TMEM45B: variants seen among roughly 807,000 people sequenced by gnomAD.
The protein encoded by TMEM45B is transmembrane protein 45B.
Under a neutral mutation model 27.3 loss-of-function variants are expected in TMEM45B, and 29 were observed. The ratio of observed to expected loss-of-function variants is 1.06; its 90% confidence interval spans 0.79 to 1.45. The LOEUF (loss-of-function observed/expected upper bound fraction) is 1.45. Ranked by LOEUF, TMEM45B falls within the 40% of genes most tolerant of loss-of-function variation. TMEM45B has a pLI of 0.00. For synonymous variants in TMEM45B, 143 were observed against 134.7 expected, an observed-to-expected ratio of 1.06 and a Z score of -0.43; for missense variants, 348 against 343.9, an observed-to-expected ratio of 1.01 and a Z score of -0.09.
chr11:129,858,076 AC>A (rs1947955384), intron 5 of TMEM45B, among the ~76,000 whole-genome samples: 1 of 152,184 alleles, frequency 6.6e-6, no homozygotes, highest in African/African-American at 2.4e-5. Context: ...GAGTAACTTG[AC>A]CAAGGTCACC....
chr11:129,856,761 G>A (rs1411914597), intron 4 of TMEM45B, among the ~76,000 whole-genome samples: 4 of 150,888 alleles, frequency 2.7e-5, no homozygotes, highest in African/African-American at 4.9e-5. Context: ...GGGTTTCACC[G>A]TGTTAGCCAG....
At chr11:129,842,262 T>G (rs1947705738) in intron 1 of TMEM45B, among the ~76,000 whole-genome samples, 1 of 152,228 alleles carries the variant, frequency 6.6e-6, no homozygotes. Flanking sequence ...AGCTGAAAGC[T>G]TCCCAGGTTT....
chr11:129,834,552 G>A (rs757772749), intron 1 of TMEM45B, among the ~76,000 whole-genome samples: 3 of 151,742 alleles, frequency 2.0e-5, no homozygotes, highest in Non-Finnish European at 2.9e-5. Context: ...GGCTCACGCC[G>A]GTAGTCCCAG....
intron 1 of TMEM45B, among the ~76,000 whole-genome samples, chr11:129,819,341 G>A (rs1366635579): frequency 2.0e-5 from 3 of 152,300 alleles, no homozygotes; most frequent in East Asian, 3.9e-4. Context: ...CTCAGAGAAC[G>A]AGAAGTCTGG....
At chr11:129,818,979 C>T (rs1947384230) in intron 1 of TMEM45B, among the ~76,000 whole-genome samples, 1 of 152,166 alleles carries the variant, frequency 6.6e-6, no homozygotes, top group South Asian at 2.1e-4. Context: ...ATGTATAAAT[C>T]CAGTGACTTA....
At chr11:129,822,333 C>T (rs1415682124) in intron 1 of TMEM45B, among the ~76,000 whole-genome samples, 2 of 152,098 alleles carry the variant, frequency 1.3e-5, no homozygotes, top group South Asian at 2.1e-4. Context: ...TTTAAAGTGA[C>T]GTTTAATGTT....
chr11:129,844,574 C>T (rs530321879), intron 1 of TMEM45B, among the ~76,000 whole-genome samples: 10 of 152,278 alleles, frequency 6.6e-5, no homozygotes, highest in Admixed American at 3.9e-4. Flanking sequence ...GTAGTCCTAA[C>T]TACTTATGAG....
At chr11:129,856,010 G>A in intron 4 of TMEM45B, 118 bp downstream of exon 4, 3 of 1,229,658 alleles carry the variant, frequency 2.4e-6, no homozygotes, top group Admixed American at 2.2e-5. Context: ...AACATGCCAT[G>A]CAAAGGGGTT....
chr11:129,818,229 T>C (rs1296290754), intron 1 of TMEM45B, among the ~76,000 whole-genome samples: 1 of 152,208 alleles, frequency 6.6e-6, no homozygotes, highest in Non-Finnish European at 1.5e-5. Context: ...TTTATCTCTC[T>C]TTTCTATTCT....
rs55905045 is a variant in TMEM45B at position 129,840,946 on chromosome 11, T to TAAAAAA, written c.-8-11510_-8-11505dup. 4.8e-4 allele frequency among the ~76,000 whole-genome samples: 14 copies of TAAAAAA among 29,270 alleles called. No individual in the cohort carries two copies. In the East Asian group the frequency reaches 9.3e-3, roughly 19 times the overall value. 19.2% of individuals were successfully genotyped at this position (29,270 alleles called of 152,430 possible). A position where few individuals can be genotyped will look rare whatever the true frequency, so the allele number is the denominator to read the frequency against. ...CAAAGAGGCAGGCAATTTCTTTCTG[T>TAAAAAA]AAAAAAAAAAAAAAAAAAAAAAAAG... On this transcript the variant is annotated intron_variant, in intron 1 of 5. Transcript: ENST00000281441.
intron 4 of TMEM45B, 61 bp downstream of exon 4, chr11:129,855,953 C>T: frequency 1.9e-6 from 3 of 1,580,782 alleles, no homozygotes; most frequent in Non-Finnish European, 2.6e-6. Context: ...CCGAGCGCAT[C>T]CCAGAGAAAT....
At chr11:129,822,272 T>C (rs1262636312) in intron 1 of TMEM45B, among the ~76,000 whole-genome samples, 1 of 152,206 alleles carries the variant, frequency 6.6e-6, no homozygotes, top group Non-Finnish European at 1.5e-5. Flanking sequence ...CTCAGTACTT[T>C]TTCTACATTT....
intron 1 of TMEM45B, among the ~76,000 whole-genome samples, chr11:129,846,524 T>C (rs1947763068): frequency 6.6e-6 from 1 of 152,140 alleles, no homozygotes; most frequent in South Asian, 2.1e-4. Flanking sequence ...TGGATCTGCA[T>C]TCATTCATTC....
rs1446035946 is a variant in TMEM45B at position 129,843,129 on chromosome 11, TG to T, written c.-8-9344del. On this transcript the variant is annotated intron_variant, in intron 1 of 5. Transcript: ENST00000281441. Reference sequence around the variant, plus strand: ...TAATTTTTTGTATTTTTGGTAGAGATGGAGTTTTGCCATGTTGGCCAGGCTG... The same window carrying T: ...TAATTTTTTGTATTTTTGGTAGAGATGAGTTTTGCCATGTTGGCCAGGCTG... Among the ~76,000 whole-genome samples, 3 of 152,292 alleles carry T rather than the reference TG, an allele frequency of 2.0e-5. No individual in the cohort carries two copies. The East Asian group carries it at 5.8e-4, about 29-fold the overall frequency.
chr11:129,826,644 A>G (rs1324754829), intron 1 of TMEM45B, among the ~76,000 whole-genome samples: 2 of 150,354 alleles, frequency 1.3e-5, no homozygotes, highest in Non-Finnish European at 3.0e-5. Context: ...GGACCCAAGT[A>G]TTCTGACTCA....
intron 1 of TMEM45B, among the ~76,000 whole-genome samples, chr11:129,839,150 G>A (rs945501341): frequency 8.5e-5 from 13 of 152,264 alleles, no homozygotes; most frequent in Admixed American, 5.2e-4. Flanking sequence ...GGGAGGGAGG[G>A]AAGGATCCAA....
chr11:129,816,889 C>T (rs1255581427), intron 1 of TMEM45B, among the ~76,000 whole-genome samples: 1 of 151,074 alleles, frequency 6.6e-6, no homozygotes, highest in Non-Finnish European at 1.5e-5. Flanking sequence ...TGGCGCCCGC[C>T]ACCACGCCCG....
At chr11:129,821,810 T>C (rs1348251188) in intron 1 of TMEM45B, among the ~76,000 whole-genome samples, 1 of 152,124 alleles carries the variant, frequency 6.6e-6, no homozygotes, top group Non-Finnish European at 1.5e-5. Context: ...TTATTGTTCA[T>C]ATTCTGATAT....
intron 1 of TMEM45B, among the ~76,000 whole-genome samples, chr11:129,846,737 A>G (rs967316115): frequency 1.3e-5 from 2 of 152,218 alleles, no homozygotes; most frequent in African/African-American, 4.8e-5. Context: ...CATAGATTGA[A>G]AAGTGGGGCA....
Sources: gnomAD v4.1 joint callset for allele counts (sites outside exome capture counted in the v4.1 genomes callset) on GRCh38, gnomAD v4.1.1 for gene constraint, MANE v1.5 for transcripts, NCBI Gene and HGNC (gene_info 2026-07-23, HGNC 2026-07-21) for gene names.